The following NEBL variants were observed in gnomAD, a reference collection of about 807,000 sequenced individuals.
NEBL encodes the protein LIM and SH3 protein 2.
NEBL carries 122 observed loss-of-function variants against 140.2 expected under a neutral mutation model. That is an observed-to-expected ratio of 0.87 (90% confidence interval 0.75 to 1.01). The LOEUF (loss-of-function observed/expected upper bound fraction) is 1.01, where lower values mean the gene tolerates loss of function less well. Among genes scored for constraint, NEBL ranks in the 50% least tolerant of loss-of-function variants. The probability of loss-of-function intolerance (pLI) is 0.00; values close to 1 mark genes in which losing one functional copy is unlikely to be tolerated. For missense variants in NEBL, 1,365 were observed against 1,231.3 expected, an observed-to-expected ratio of 1.11 and a Z score of -1.62; for synonymous variants, 436 against 398.9, an observed-to-expected ratio of 1.09 and a Z score of -1.11.
At chr10:21,089,976 T>C (rs181871570) in intron 2 of NEBL, among the ~76,000 whole-genome samples, 7 of 152,304 alleles carry the variant, frequency 4.6e-5, no homozygotes, top group Admixed American at 1.3e-4. Context: ...AAATGGCCTC[T>C]ATGTTGATGA....
intron 2 of NEBL, among the ~76,000 whole-genome samples, chr10:21,121,999 C>T (rs1301016992): frequency 7.7e-6 from 1 of 129,204 alleles, no homozygotes; most frequent in African/African-American, 3.2e-5. Flanking sequence ...GGGGATTTCT[C>T]CTGGTTGTTG....
intron 2 of NEBL, among the ~76,000 whole-genome samples, chr10:21,141,904 C>T (rs192144519): frequency 6.6e-6 from 1 of 152,258 alleles, no homozygotes; most frequent in Admixed American, 6.5e-5. Flanking sequence ...GATTATTCTC[C>T]CACTCCACCT....
In NEBL at chr10:21,215,713, C is replaced by T. The variant is rs76395800; in HGVS notation, n.348+32208G>A. ...TCTTACTCTGTCATCCAGTCTGGAACGCAGTAGCACAATCACAGCTCACTG... is the reference window on the plus strand; with the variant it reads ...TCTTACTCTGTCATCCAGTCTGGAATGCAGTAGCACAATCACAGCTCACTG... On this transcript the variant is annotated intron_variant and non_coding_transcript_variant, in intron 3 of 8. Transcript: ENST00000675702. 5.4e-3 allele frequency among the ~76,000 whole-genome samples: 824 copies of T among 152,186 alleles called. 27 individuals carry two copies. Among genetic ancestry groups the T allele is most frequent in the East Asian group, 0.036 (184 of 5,178 alleles).
intron 3 of NEBL, among the ~76,000 whole-genome samples, chr10:21,010,243 GT>G (rs1838284366): frequency 6.6e-6 from 1 of 151,958 alleles, no homozygotes; most frequent in South Asian, 2.1e-4. Flanking sequence ...TTTTGTTTTT[GT>G]TTTGTTTCAT....
At chr10:21,134,798 A>G (rs1451768043) in intron 2 of NEBL, among the ~76,000 whole-genome samples, 2 of 152,338 alleles carry the variant, frequency 1.3e-5, no homozygotes, top group Admixed American at 1.3e-4. Flanking sequence ...TCTGACAAAC[A>G]TCAGTATTCA....
chr10:21,159,698 T>A (rs1840476588), intron 2 of NEBL, among the ~76,000 whole-genome samples: 1 of 152,200 alleles, frequency 6.6e-6, no homozygotes, highest in African/African-American at 2.4e-5. Context: ...TTCTTTTCCT[T>A]CTCACTCAAA....
At chr10:21,079,702 C>T (rs1057293015) in intron 2 of NEBL, among the ~76,000 whole-genome samples, 12 of 152,202 alleles carry the variant, frequency 7.9e-5, no homozygotes, top group Non-Finnish European at 1.3e-4. Flanking sequence ...ACAGATTGAG[C>T]TGCATATTCC....
intron 4 of NEBL, among the ~76,000 whole-genome samples, chr10:20,908,269 G>T (rs947361139): frequency 1.3e-5 from 2 of 152,192 alleles, no homozygotes. Context: ...TAGGCCATAG[G>T]GCAGTAGAAC....
intron 7 of NEBL, among the ~76,000 whole-genome samples, chr10:20,861,612 G>A (rs184848903): frequency 1.2e-4 from 18 of 152,250 alleles, no homozygotes; most frequent in East Asian, 3.9e-4. Context: ...ACAGCCTTCC[G>A]CTGGAATGAC....
At chr10:21,043,548 A>G (rs186955451) in intron 2 of NEBL, among the ~76,000 whole-genome samples, 1 of 152,340 alleles carries the variant, frequency 6.6e-6, no homozygotes, top group Admixed American at 6.5e-5. Context: ...GTGCATACAG[A>G]CACACATACA....
At chr10:20,979,084 G>C (rs974944859) in intron 3 of NEBL, among the ~76,000 whole-genome samples, 1 of 152,026 alleles carries the variant, frequency 6.6e-6, no homozygotes, top group African/African-American at 2.4e-5. Context: ...AAAAAAGCAA[G>C]CTGGAGGATA....
Position 20,891,740 on chromosome 10 carries a change from G to T in NEBL, c.154-1791C>A, listed in dbSNP as rs534798177. Among the ~76,000 whole-genome samples the T allele has an allele frequency of 2.0e-5, 3 of 152,146 alleles. No homozygotes were observed. In the East Asian group the frequency reaches 5.8e-4, roughly 29 times the overall value. Reference sequence around the variant, plus strand: ...ACATATTTGTATATTTTAAATGAAGGTGTATTTAAAATTTAAGATCCTTTA... The same window carrying T: ...ACATATTTGTATATTTTAAATGAAGTTGTATTTAAAATTTAAGATCCTTTA... On this transcript the variant is annotated intron_variant, in intron 2 of 27. Transcript: ENST00000377122.
At chr10:21,261,017 C>T (rs1032561010) in intron 1 of NEBL, among the ~76,000 whole-genome samples, 1 of 152,130 alleles carries the variant, frequency 6.6e-6, no homozygotes, top group Non-Finnish European at 1.5e-5. Flanking sequence ...TCGTGGATGG[C>T]AAGGCATGCT....
At chr10:20,935,117 T>C (rs10828157) in intron 4 of NEBL, among the ~76,000 whole-genome samples, 25,101 of 152,116 alleles carry the variant, frequency 0.17, 2,478 homozygotes, top group African/African-American at 0.28. Context: ...AGAACCACAG[T>C]CTACCTGGCT....
At chr10:21,188,978 T>C (rs1432754725) in intron 3 of NEBL, among the ~76,000 whole-genome samples, 3 of 152,146 alleles carry the variant, frequency 2.0e-5, no homozygotes, top group Admixed American at 2.0e-4. Flanking sequence ...ACCTACAATA[T>C]ATATAAGATT....
In NEBL at chr10:20,791,388, A is replaced by G. The variant is rs371202438; in HGVS notation, c.2762-4080T>C. On this transcript the variant is annotated intron_variant, in intron 26 of 27. Transcript: ENST00000377122. ...AAAGAGAAGATGAAAAGGGAGGAAGAAAAGTTTTGTTTTTTTGTTTGTTTG... is the reference window on the plus strand; with the variant it reads ...AAAGAGAAGATGAAAAGGGAGGAAGGAAAGTTTTGTTTTTTTGTTTGTTTG... 3.9e-5 allele frequency among the ~76,000 whole-genome samples: 6 copies of G among 152,120 alleles called. No homozygotes were observed. In the East Asian group the frequency reaches 1.2e-3, roughly 29 times the overall value.
intron 2 of NEBL, 134 bp downstream of exon 2, chr10:20,896,824 T>C (rs1847539118): frequency 2.4e-6 from 2 of 848,952 alleles, no homozygotes; most frequent in Admixed American, 3.5e-5. Context: ...TTTCAGGACT[T>C]TGTTCCATGA....
chr10:21,085,889 T>A (rs1589220354), intron 2 of NEBL, among the ~76,000 whole-genome samples: 2 of 152,166 alleles, frequency 1.3e-5, no homozygotes, highest in African/African-American at 4.8e-5. Flanking sequence ...TCAGATATCA[T>A]GAATAAACAT....
chr10:21,146,669 T>C (rs938607555), intron 2 of NEBL: 15 of 551,618 alleles, frequency 2.7e-5, no homozygotes, highest in Non-Finnish European at 4.1e-5. Flanking sequence ...CTCTGAAAAG[T>C]CTGTAGAATG....
Sources: gnomAD v4.1 joint callset for allele counts (sites outside exome capture counted in the v4.1 genomes callset) on GRCh38, gnomAD v4.1.1 for gene constraint, MANE v1.5 for transcripts, NCBI Gene and HGNC (gene_info 2026-07-23, HGNC 2026-07-21) for gene names.